STAC: variants seen among roughly 807,000 people sequenced by gnomAD.
The protein encoded by STAC is SH3 and cysteine rich domain, also known as SH3 and cysteine-rich domain-containing protein.
A neutral mutation model predicts 48.8 loss-of-function variants in STAC; 43 were observed. The observed-to-expected ratio is 0.88, with a 90% confidence interval of 0.69 to 1.14. The LOEUF (loss-of-function observed/expected upper bound fraction) is 1.14, where lower values mean the gene tolerates loss of function less well. Among genes scored for constraint, STAC ranks in the 50% most tolerant of loss-of-function variants. STAC has a pLI of 0.00. For synonymous variants in STAC, 193 were observed against 179.5 expected, an observed-to-expected ratio of 1.07 and a Z score of -0.60; for missense variants, 497 against 504.0, an observed-to-expected ratio of 0.99 and a Z score of 0.13.
At chr3:36,538,145 T>A (rs1189815671) in intron 10 of STAC, among the ~76,000 whole-genome samples, 1 of 152,162 alleles carries the variant, frequency 6.6e-6, no homozygotes, top group Non-Finnish European at 1.5e-5. Flanking sequence ...TGATATCATA[T>A]CCTCTTTAGT....
At chr3:36,491,710 A>T (rs543036932) in intron 5 of STAC, among the ~76,000 whole-genome samples, 16 of 152,044 alleles carry the variant, frequency 1.1e-4, no homozygotes, top group African/African-American at 3.9e-4. Context: ...TAAATAAATA[A>T]TTTTTTAAAA....
chr3:36,527,806 T>C (rs1304055915), intron 8 of STAC, among the ~76,000 whole-genome samples: 1 of 152,116 alleles, frequency 6.6e-6, no homozygotes, highest in Non-Finnish European at 1.5e-5. Flanking sequence ...CAAACCCAAG[T>C]AATTCTTGAT....
intron 10 of STAC, among the ~76,000 whole-genome samples, chr3:36,535,712 A>G (rs529280662): frequency 6.6e-6 from 1 of 152,314 alleles, no homozygotes; most frequent in East Asian, 1.9e-4. Context: ...CCTTTTCTGC[A>G]TCTATTGAAA....
chr3:36,395,243 A>G (rs181049830), intron 1 of STAC, among the ~76,000 whole-genome samples: 33 of 152,292 alleles, frequency 2.2e-4, no homozygotes, highest in Non-Finnish European at 5.9e-5. Context: ...GGTCTTGGAA[A>G]CTGGGCACAG....
At chr3:36,402,043 T>C (rs1226775848) in intron 1 of STAC, among the ~76,000 whole-genome samples, 1 of 152,220 alleles carries the variant, frequency 6.6e-6, no homozygotes, top group Non-Finnish European at 1.5e-5. Flanking sequence ...ACATGCCTGA[T>C]ATGTCTACAC....
At chr3:36,389,807 T>C (rs1699711001) in intron 1 of STAC, among the ~76,000 whole-genome samples, 2 of 152,176 alleles carry the variant, frequency 1.3e-5, no homozygotes, top group Non-Finnish European at 2.9e-5. Context: ...CACTGTGCTT[T>C]CCATAAAGTG....
intron 10 of STAC, among the ~76,000 whole-genome samples, chr3:36,530,552 A>C (rs891796157): frequency 3.4e-5 from 5 of 145,840 alleles, no homozygotes; most frequent in African/African-American, 1.3e-4. Flanking sequence ...TAACAAATAT[A>C]TCCTCAAAGA....
At chr3:36,393,522 T>C (rs1391581906) in intron 1 of STAC, among the ~76,000 whole-genome samples, 1 of 151,848 alleles carries the variant, frequency 6.6e-6, no homozygotes, top group Non-Finnish European at 1.5e-5. Context: ...ATGGGCTGAA[T>C]ATGTGTGCCC....
At chr3:36,473,504 C>T (rs1697399194) in intron 2 of STAC, among the ~76,000 whole-genome samples, 1 of 152,178 alleles carries the variant, frequency 6.6e-6, no homozygotes, top group African/African-American at 2.4e-5. Flanking sequence ...GAGACGGCCC[C>T]TTCATTTTCC....
At chr3:36,488,217 GC>G (rs1697867635) in intron 5 of STAC, among the ~76,000 whole-genome samples, 1 of 152,132 alleles carries the variant, frequency 6.6e-6, no homozygotes, top group African/African-American at 2.4e-5. Flanking sequence ...ACAGGTGCAT[GC>G]CACTGCACCC....
intron 1 of STAC, among the ~76,000 whole-genome samples, chr3:36,433,773 T>C (rs1165703466): frequency 2.6e-5 from 4 of 152,190 alleles, no homozygotes; most frequent in Non-Finnish European, 5.9e-5. Context: ...GCCAAGGAGC[T>C]TGAGAGACTT....
intron 1 of STAC, among the ~76,000 whole-genome samples, chr3:36,420,585 G>A (rs1700426859): frequency 6.6e-6 from 1 of 152,194 alleles, no homozygotes; most frequent in South Asian, 2.1e-4. Context: ...GAGGACGCTA[G>A]GTTGTGCACT....
rs1699450255 is a variant in STAC, at chr3:36,546,491, T to G, written c.*202T>G. On this transcript the variant is annotated 3_prime_UTR_variant, in exon 11 of 11. Transcript: ENST00000273183. The stretch of plus-strand genomic sequence containing the variant: ...CACAGCATATCCAGGCTGCCACAGG[T>G]GGGGACGAGGCTGAGAGAGTCAGCA... The G allele has an allele frequency of 8.6e-6, 5 of 578,660 alleles. No individual in the cohort carries two copies. In the South Asian group the frequency reaches 1.2e-4, roughly 13 times the overall value. 35.8% of individuals were successfully genotyped at this position (578,660 alleles called of 1,614,324 possible).
chr3:36,429,290 G>A (rs762117554), intron 1 of STAC, among the ~76,000 whole-genome samples: 2 of 152,188 alleles, frequency 1.3e-5, no homozygotes, highest in Non-Finnish European at 2.9e-5. Flanking sequence ...GCCTTTCTCT[G>A]TAAGAATCCA....
chr3:36,420,795 T>C (rs1341951829), intron 1 of STAC, among the ~76,000 whole-genome samples: 2 of 152,242 alleles, frequency 1.3e-5, no homozygotes, highest in African/African-American at 4.8e-5. Flanking sequence ...AAAACCTTTC[T>C]AAACAATATG....
At chr3:36,420,307 CT>C (rs1700419023) in intron 1 of STAC, among the ~76,000 whole-genome samples, 1 of 152,176 alleles carries the variant, frequency 6.6e-6, no homozygotes, top group Non-Finnish European at 1.5e-5. Flanking sequence ...GTCATTGTTA[CT>C]TTTTCTCCAT....
intron 2 of STAC, among the ~76,000 whole-genome samples, chr3:36,460,705 C>A (rs1370433952): frequency 6.6e-6 from 1 of 152,094 alleles, no homozygotes; most frequent in Admixed American, 6.5e-5. Context: ...AAACCTCGGT[C>A]AGAAAATGTG....
intron 1 of STAC, among the ~76,000 whole-genome samples, chr3:36,414,608 C>T (rs902353739): frequency 3.9e-5 from 6 of 152,118 alleles, no homozygotes; most frequent in Non-Finnish European, 8.8e-5. Context: ...AACTTCTTTG[C>T]GATGGGTTCG....
At chr3:36,502,601 G>A (rs116184465) in intron 6 of STAC, among the ~76,000 whole-genome samples, 33 of 152,214 alleles carry the variant, frequency 2.2e-4, no homozygotes, top group African/African-American at 6.0e-4. Context: ...TTATGTAGAC[G>A]CCCTTTTAGG....
Sources: allele counts gnomAD v4.1 joint callset (sites outside exome capture counted in the v4.1 genomes callset), GRCh38; gene constraint gnomAD v4.1.1; transcripts MANE v1.5; gene names NCBI Gene and HGNC (gene_info 2026-07-23, HGNC 2026-07-21).